The following ZNF804B variants were observed in gnomAD, a reference collection of about 807,000 sequenced individuals.
ZNF804B encodes the protein zinc finger 804B.
ZNF804B carries 80 observed loss-of-function variants against 101.4 expected under a neutral mutation model. The ratio of observed to expected loss-of-function variants is 0.79; its 90% CI spans 0.66 to 0.95. ZNF804B has a LOEUF of 0.95. Ranked by LOEUF, ZNF804B falls within the 40% of genes least tolerant of loss-of-function variation. ZNF804B has a pLI of 0.00. For synonymous variants in ZNF804B, 622 were observed against 558.8 expected (o/e 1.11, Z -1.59); for missense variants, 1,673 against 1,561.9 (o/e 1.07, Z -1.20).
intron 1 of ZNF804B, among the ~76,000 whole-genome samples, chr7:89,002,582 T>G (rs1232868159): frequency 6.6e-6 from 1 of 151,900 alleles, no homozygotes; most frequent in African/African-American, 2.4e-5. Flanking sequence ...CATTCTTTTT[T>G]ATAACTACTA....
intron 1 of ZNF804B, among the ~76,000 whole-genome samples, chr7:89,019,451 G>T (rs565591126): frequency 6.6e-6 from 1 of 152,154 alleles, no homozygotes; most frequent in African/African-American, 2.4e-5. Context: ...AATGTTTTCT[G>T]CAGCTGTTGG....
intron 1 of ZNF804B, among the ~76,000 whole-genome samples, chr7:89,146,110 T>C (rs1372124088): frequency 1.3e-5 from 2 of 152,064 alleles, no homozygotes; most frequent in Admixed American, 6.6e-5. Flanking sequence ...ATTATTACTA[T>C]GAAACATCTG....
At chr7:88,979,600 T>C (rs1254796373) in intron 1 of ZNF804B, among the ~76,000 whole-genome samples, 1 of 118,430 alleles carries the variant, frequency 8.4e-6, no homozygotes, top group Non-Finnish European at 1.7e-5. Flanking sequence ...TCTTTTTTCT[T>C]TTTCTTTCTT....
intron 1 of ZNF804B, among the ~76,000 whole-genome samples, chr7:89,160,970 AT>A (rs1441729105): frequency 2.6e-5 from 4 of 152,134 alleles, no homozygotes; most frequent in Non-Finnish European, 5.9e-5. Flanking sequence ...AAACACTGCA[AT>A]TTCCAGATCC....
At chr7:89,262,921 G>C (rs1789731365) in intron 2 of ZNF804B, among the ~76,000 whole-genome samples, 2 of 152,126 alleles carry the variant, frequency 1.3e-5, no homozygotes, top group African/African-American at 4.8e-5. Context: ...TTCAACACCT[G>C]TAAGTGTCTC....
intron 3 of ZNF804B, among the ~76,000 whole-genome samples, chr7:89,328,660 G>A (rs1020544363): frequency 7.9e-5 from 12 of 151,726 alleles, no homozygotes; most frequent in Non-Finnish European, 2.9e-5. Context: ...TTGTTGTTAG[G>A]GTAGCATGCA....
intron 1 of ZNF804B, among the ~76,000 whole-genome samples, chr7:88,798,491 G>C (rs987160141): frequency 6.6e-6 from 1 of 152,068 alleles, no homozygotes; most frequent in African/African-American, 2.4e-5. Context: ...AATACATTCA[G>C]AAGCAATAGT....
intron 2 of ZNF804B, among the ~76,000 whole-genome samples, chr7:89,263,364 G>A (rs188138993): frequency 4.6e-5 from 7 of 151,254 alleles, no homozygotes; most frequent in Admixed American, 3.3e-4. Flanking sequence ...GCTTTTTTCC[G>A]CTGCTTGTTG....
intron 2 of ZNF804B, among the ~76,000 whole-genome samples, chr7:89,284,265 A>T (rs1042771039): frequency 2.6e-5 from 4 of 152,194 alleles, no homozygotes; most frequent in African/African-American, 4.8e-5. Context: ...GATCATCTTC[A>T]TGTGGGAAGT....
intron 1 of ZNF804B, among the ~76,000 whole-genome samples, chr7:89,153,782 T>C (rs943316126): frequency 1.7e-4 from 26 of 152,254 alleles, no homozygotes; most frequent in African/African-American, 5.5e-4. Flanking sequence ...TCTTCAGTTA[T>C]ATCAATGCAA....
chr7:89,162,714 T>A (rs569060648), intron 1 of ZNF804B, among the ~76,000 whole-genome samples: 1 of 151,322 alleles, frequency 6.6e-6, no homozygotes, highest in African/African-American at 2.4e-5. Flanking sequence ...GCAGGTTAGT[T>A]ACATATGTAT....
intron 1 of ZNF804B, among the ~76,000 whole-genome samples, chr7:88,934,971 C>CTTG (rs1234043328): frequency 6.6e-6 from 1 of 151,420 alleles, no homozygotes; most frequent in Non-Finnish European, 1.5e-5. Context: ...GACATGGAAC[C>CTTG]AAGCTAAGTA....
intron 2 of ZNF804B, among the ~76,000 whole-genome samples, chr7:89,284,793 G>A (rs1170328086): frequency 6.6e-6 from 1 of 151,968 alleles, no homozygotes; most frequent in Non-Finnish European, 1.5e-5. Context: ...TGCTAACAAA[G>A]GATGGTGTGA....
At chr7:88,834,457 A>G (rs1208631556) in intron 1 of ZNF804B, among the ~76,000 whole-genome samples, 1 of 151,812 alleles carries the variant, frequency 6.6e-6, no homozygotes, top group African/African-American at 2.4e-5. Context: ...AGTAATTCTA[A>G]TAATCTTGTG....
At chr7:89,181,463 A>G (rs1373484795) in intron 1 of ZNF804B, among the ~76,000 whole-genome samples, 1 of 152,138 alleles carries the variant, frequency 6.6e-6, no homozygotes, top group Admixed American at 6.5e-5. Flanking sequence ...TGCTTGCGCT[A>G]TAATAGAGCA....
chr7:88,920,289 C>T (rs1488151330), intron 1 of ZNF804B, among the ~76,000 whole-genome samples: 2 of 152,020 alleles, frequency 1.3e-5, no homozygotes, highest in Non-Finnish European at 2.9e-5. Flanking sequence ...TTTTGCATGA[C>T]TGGAATCACA....
At chr7:88,863,698 C>G (rs981338768) in intron 1 of ZNF804B, among the ~76,000 whole-genome samples, 7 of 152,126 alleles carry the variant, frequency 4.6e-5, no homozygotes, top group Admixed American at 3.9e-4. Context: ...GTAAGGCTTT[C>G]TAAGGAAGTG....
intron 1 of ZNF804B, among the ~76,000 whole-genome samples, chr7:89,031,912 A>T (rs996728301): frequency 6.6e-6 from 1 of 152,114 alleles, no homozygotes; most frequent in Non-Finnish European, 1.5e-5. Context: ...GGAATTGTTT[A>T]GCGTAGCTAG....
At chr7:88,990,842 T>G (rs1400893962) in intron 1 of ZNF804B, among the ~76,000 whole-genome samples, 1 of 152,168 alleles carries the variant, frequency 6.6e-6, no homozygotes, top group Admixed American at 6.5e-5. Flanking sequence ...CAGTCCTTAA[T>G]TTTTGAGCCC....
Sources: allele counts gnomAD v4.1 joint callset (sites outside exome capture counted in the v4.1 genomes callset), GRCh38; gene constraint gnomAD v4.1.1; transcripts MANE v1.5; gene names NCBI Gene and HGNC (gene_info 2026-07-23, HGNC 2026-07-21).